Variants in SLC24A2 observed in about 807,000 individuals in gnomAD.
SLC24A2 encodes the protein sodium/potassium/calcium exchanger 2.
In SLC24A2, 36 loss-of-function variants were observed where a neutral mutation model predicts 62.0. The ratio of observed to expected loss-of-function variants is 0.58; its 90% confidence interval spans 0.44 to 0.77. SLC24A2 has a LOEUF of 0.77. Ranked by LOEUF, SLC24A2 falls within the 30% of genes least tolerant of loss-of-function variation. The probability of loss-of-function intolerance (pLI) is 0.00; values close to 1 mark genes in which losing one functional copy is unlikely to be tolerated. For missense variants in SLC24A2, 846 were observed against 817.9 expected, an observed-to-expected ratio of 1.03 and a Z score of -0.42; for synonymous variants, 358 against 294.0, an observed-to-expected ratio of 1.22 and a Z score of -2.23.
chr9:20,162,297 G>C, the SLC24A2 span, among the ~76,000 whole-genome samples: 108 of 151,808 alleles, frequency 7.1e-4, no homozygotes, highest in Non-Finnish European at 1.4e-3. Context: ...TAATTCAAAA[G>C]AGAAAACTTC....
chr9:19,948,844 CAAAA>C, the SLC24A2 span, among the ~76,000 whole-genome samples: 1,976 of 71,674 alleles, frequency 0.028, 13 homozygotes, highest in African/African-American at 0.062. Flanking sequence ...GACTCCGTCT[CAAAA>C]AAAAAAAAAA....
At chr9:19,642,671 C>CTTTTTTTTTTT (rs71335440) in intron 2 of SLC24A2, among the ~76,000 whole-genome samples, 2 of 79,850 alleles carry the variant, frequency 2.5e-5, no homozygotes. Flanking sequence ...AGAGCGTATT[C>CTTTTTTTTTTT]TTTTTTTTTT....
chr9:19,744,062 T>C (rs2118778981), intron 2 of SLC24A2, among the ~76,000 whole-genome samples: 1 of 152,196 alleles, frequency 6.6e-6, no homozygotes, highest in South Asian at 2.1e-4. Flanking sequence ...CCCCACAGTA[T>C]ACCTCACCTC....
chr9:19,632,810 C>T lies in SLC24A2; in HGVS notation c.931-10511G>A, dbSNP rs753715011. ...ATCTATGGAACTCATTCAGATTTCA[C>T]CAGTTATATGTGCACCTATTTGTGT... On this transcript the variant is annotated intron_variant, in intron 2 of 10. Coordinates refer to ENST00000341998, the MANE Select transcript of SLC24A2 (RefSeq NM_020344.4). The surrounding 1 kb of genome is among the most constrained non-coding windows in gnomAD (Gnocchi z 4.5). Among the ~76,000 whole-genome samples, 1 of 152,170 alleles carries T rather than the reference C, an allele frequency of 6.6e-6. No individual in the cohort carries two copies. Among genetic ancestry groups the T allele is most frequent in the Non-Finnish European group, 1.5e-5 (1 of 68,026 alleles).
At chr9:20,222,131 A>T in the SLC24A2 span, among the ~76,000 whole-genome samples, 2 of 152,040 alleles carry the variant, frequency 1.3e-5, no homozygotes, top group East Asian at 3.9e-4. Flanking sequence ...AAATAACGAA[A>T]TAATGGTAGA....
At chr9:19,699,922 G>T (rs1820306722) in intron 2 of SLC24A2, among the ~76,000 whole-genome samples, 1 of 152,096 alleles carries the variant, frequency 6.6e-6, no homozygotes, top group Non-Finnish European at 1.5e-5. Flanking sequence ...ACACACGGGT[G>T]CACTAGAGAG....
At chr9:20,161,337 T>C in the SLC24A2 span, among the ~76,000 whole-genome samples, 1 of 151,416 alleles carries the variant, frequency 6.6e-6, no homozygotes, top group Non-Finnish European at 1.5e-5. Context: ...GCTACATAAA[T>C]TGTTTTAGAG....
chr9:20,256,804 G>A, the SLC24A2 span, among the ~76,000 whole-genome samples: 1 of 151,972 alleles, frequency 6.6e-6, no homozygotes, highest in Non-Finnish European at 1.5e-5. Flanking sequence ...AAGCAAACTT[G>A]TAGTTCTTTT....
At chr9:19,913,839 G>A in the SLC24A2 span, among the ~76,000 whole-genome samples, 1 of 151,824 alleles carries the variant, frequency 6.6e-6, no homozygotes, top group Non-Finnish European at 1.5e-5. Flanking sequence ...ACTTGAGTGT[G>A]TTTCTTGCAT....
chr9:19,708,890 G>A (rs1462279489), intron 2 of SLC24A2, among the ~76,000 whole-genome samples: 1 of 152,096 alleles, frequency 6.6e-6, no homozygotes, highest in Non-Finnish European at 1.5e-5. Context: ...GGCAACAAAA[G>A]CCAAAATTGA....
At chr9:19,524,998 A>G (rs1833367766) in intron 9 of SLC24A2, among the ~76,000 whole-genome samples, 1 of 152,222 alleles carries the variant, frequency 6.6e-6, no homozygotes, top group Non-Finnish European at 1.5e-5. Context: ...TATATGTTAT[A>G]AATGGCAAAC....
chr9:20,030,933 A>G, the SLC24A2 span, among the ~76,000 whole-genome samples: 2 of 152,024 alleles, frequency 1.3e-5, no homozygotes, highest in African/African-American at 2.4e-5. Context: ...CTCACCTCAC[A>G]TGGTCACTGG....
chr9:20,028,043 G>C, the SLC24A2 span, among the ~76,000 whole-genome samples: 1 of 152,166 alleles, frequency 6.6e-6, no homozygotes, highest in African/African-American at 2.4e-5. Context: ...GGTGTGCAGG[G>C]AAGCTGTGCA....
intron 2 of SLC24A2, among the ~76,000 whole-genome samples, chr9:19,769,542 TG>T (rs1822621432): frequency 6.6e-6 from 1 of 152,226 alleles, no homozygotes; most frequent in Non-Finnish European, 1.5e-5. Flanking sequence ...GCAGACACCA[TG>T]AGGTAAAGTG....
the SLC24A2 span, among the ~76,000 whole-genome samples, chr9:20,001,131 C>A: frequency 6.6e-6 from 1 of 152,186 alleles, no homozygotes; most frequent in African/African-American, 2.4e-5. Flanking sequence ...AAGTTAAAGC[C>A]TGGAGGATCA....
the SLC24A2 span, among the ~76,000 whole-genome samples, chr9:19,888,558 T>C: frequency 3.9e-5 from 6 of 152,194 alleles, no homozygotes; most frequent in African/African-American, 1.4e-4. Context: ...GATTCTGCAG[T>C]GTTTCATTAA....
At chr9:20,141,621 A>T in the SLC24A2 span, among the ~76,000 whole-genome samples, 10 of 151,692 alleles carry the variant, frequency 6.6e-5, no homozygotes, top group Middle Eastern at 3.4e-3. Context: ...ATGATCTAGT[A>T]TATCACCACC....
the SLC24A2 span, among the ~76,000 whole-genome samples, chr9:20,304,842 C>A: frequency 6.6e-6 from 1 of 151,806 alleles, no homozygotes; most frequent in African/African-American, 2.4e-5. Context: ...AGAGCAAGGA[C>A]ATAGTCCTAG....
At chr9:20,165,258 C>A in the SLC24A2 span, among the ~76,000 whole-genome samples, 3 of 151,832 alleles carry the variant, frequency 2.0e-5, no homozygotes, top group Non-Finnish European at 2.9e-5. Context: ...TTCAATTCAA[C>A]CCCAATAAAA....
Sources: gnomAD v4.1 joint callset for allele counts (sites outside exome capture counted in the v4.1 genomes callset) on GRCh38, gnomAD v4.1.1 for gene constraint, Gnocchi (gnomAD v3.1) non-coding constraint, MANE v1.5 for transcripts, NCBI Gene and HGNC (gene_info 2026-07-23, HGNC 2026-07-21) for gene names.